Variants in AGBL4 observed in about 807,000 individuals in gnomAD.
AGBL4 encodes cytosolic carboxypeptidase 6.
AGBL4 carries 58 observed loss-of-function variants against 66.4 expected under a neutral mutation model. The ratio of observed to expected loss-of-function variants is 0.87; its 90% CI spans 0.71 to 1.09. The LOEUF (loss-of-function observed/expected upper bound fraction) is 1.09. Ranked by LOEUF, AGBL4 falls within the 50% of genes least tolerant of loss-of-function variation. AGBL4 has a pLI of 0.00. For missense variants in AGBL4, 579 were observed against 631.0 expected (o/e 0.92, Z 0.88); for synonymous variants, 234 against 222.9 (o/e 1.05, Z -0.44).
intron 6 of AGBL4, among the ~76,000 whole-genome samples, chr1:48,771,869 C>A (rs1316675378): frequency 6.6e-6 from 1 of 152,190 alleles, no homozygotes; most frequent in Non-Finnish European, 1.5e-5. Flanking sequence ...CTATTTCCCC[C>A]AAGTGTGGGG....
intron 3 of AGBL4, among the ~76,000 whole-genome samples, chr1:49,671,721 G>A (rs1269262818): frequency 6.6e-6 from 1 of 151,960 alleles, no homozygotes; most frequent in East Asian, 1.9e-4. Flanking sequence ...CAGCCAACAA[G>A]CATATGAAAA....
chr1:49,850,440 A>G (rs953725253), intron 2 of AGBL4, among the ~76,000 whole-genome samples: 5 of 152,112 alleles, frequency 3.3e-5, no homozygotes, highest in Non-Finnish European at 7.4e-5. Context: ...TTTATAATCC[A>G]CTCAGTTTGT....
chr1:49,516,398 A>T (rs2148793723), intron 3 of AGBL4, among the ~76,000 whole-genome samples: 1 of 152,208 alleles, frequency 6.6e-6, no homozygotes, highest in East Asian at 1.9e-4. Context: ...ATGTTAAAGA[A>T]ATACTTGTAG....
intron 1 of AGBL4, among the ~76,000 whole-genome samples, chr1:49,987,881 T>G (rs2148397570): frequency 6.6e-6 from 1 of 151,968 alleles, no homozygotes; most frequent in Admixed American, 6.5e-5. Context: ...AGCCAGAATT[T>G]GAACCTAGAC....
chr1:49,257,050 TA>T (rs1652568552), intron 3 of AGBL4, among the ~76,000 whole-genome samples: 1 of 150,452 alleles, frequency 6.6e-6, no homozygotes. Flanking sequence ...TTTTTTTTTT[TA>T]CAAAAAGCAC....
intron 5 of AGBL4, among the ~76,000 whole-genome samples, chr1:49,034,251 T>C (rs1664460633): frequency 1.3e-5 from 2 of 152,156 alleles, no homozygotes; most frequent in Admixed American, 6.6e-5. Context: ...TCTAAATCTC[T>C]CATAGTACAC....
chr1:49,164,267 C>T (rs1364195936), intron 4 of AGBL4, among the ~76,000 whole-genome samples: 1 of 151,978 alleles, frequency 6.6e-6, no homozygotes, highest in Non-Finnish European at 1.5e-5. Flanking sequence ...CAGAGACACA[C>T]TTATAGGAAA....
intron 4 of AGBL4, among the ~76,000 whole-genome samples, chr1:49,081,423 A>T (rs149226096): frequency 9.1e-4 from 139 of 152,300 alleles, no homozygotes; most frequent in African/African-American, 3.2e-3. Flanking sequence ...ATCTCATAGG[A>T]TTGTTTGAGA....
chr1:49,109,217 G>A (rs143020596), intron 4 of AGBL4, among the ~76,000 whole-genome samples: 1 of 152,250 alleles, frequency 6.6e-6, no homozygotes, highest in Non-Finnish European at 1.5e-5. Context: ...TGGGGAGAAG[G>A]TTTCCCCAGT....
intron 6 of AGBL4, among the ~76,000 whole-genome samples, chr1:48,775,905 T>C (rs1482010184): frequency 6.6e-6 from 1 of 152,156 alleles, no homozygotes; most frequent in Non-Finnish European, 1.5e-5. Context: ...GGGAGCCTTC[T>C]GGGAGATTCA....
At chr1:48,582,618 G>A (rs901689711) in intron 11 of AGBL4, among the ~76,000 whole-genome samples, 2 of 152,202 alleles carry the variant, frequency 1.3e-5, no homozygotes, top group Non-Finnish European at 2.9e-5. Flanking sequence ...GTCAAGACAA[G>A]AACATTTGTT....
chr1:49,941,326 T>C (rs941271985), intron 1 of AGBL4, among the ~76,000 whole-genome samples: 1 of 152,144 alleles, frequency 6.6e-6, no homozygotes, highest in Non-Finnish European at 1.5e-5. Context: ...CAAACTCATT[T>C]TACAAACCTA....
chr1:48,717,381 A>G (rs1347577841), intron 6 of AGBL4, among the ~76,000 whole-genome samples: 1 of 152,254 alleles, frequency 6.6e-6, no homozygotes, highest in African/African-American at 2.4e-5. Context: ...ACATAGTCAC[A>G]GACTCTGTTT....
chr1:49,244,116 G>A (rs1034433826), intron 4 of AGBL4, among the ~76,000 whole-genome samples: 1 of 151,690 alleles, frequency 6.6e-6, no homozygotes, highest in Non-Finnish European at 1.5e-5. Flanking sequence ...ATCTTCAAAA[G>A]CACAAAAAAG....
At chr1:49,678,950 T>C (rs962949482) in intron 3 of AGBL4, among the ~76,000 whole-genome samples, 3 of 152,128 alleles carry the variant, frequency 2.0e-5, no homozygotes, top group Non-Finnish European at 4.4e-5. Flanking sequence ...TAATGTGTGC[T>C]TAATGTCCCA....
intron 4 of AGBL4, among the ~76,000 whole-genome samples, chr1:49,060,863 TC>T (rs1189517608): frequency 6.6e-6 from 1 of 152,132 alleles, no homozygotes; most frequent in Non-Finnish European, 1.5e-5. Flanking sequence ...GAGGAGTAGA[TC>T]ATGAGAGTAG....
chr1:49,361,484 C>T (rs532133827), intron 3 of AGBL4, among the ~76,000 whole-genome samples: 14 of 152,176 alleles, frequency 9.2e-5, no homozygotes, highest in African/African-American at 3.4e-4. Flanking sequence ...ACCATCATGC[C>T]CATCTAATTT....
chr1:48,687,076 G>T (rs1646545234), intron 6 of AGBL4, among the ~76,000 whole-genome samples: 1 of 152,138 alleles, frequency 6.6e-6, no homozygotes, highest in Non-Finnish European at 1.5e-5. Flanking sequence ...TGGGGCAGCG[G>T]GGCAGTCAGG....
rs375641731 is a variant in AGBL4, at chr1:48,883,939, A to T, written c.595-16709T>A. ...AAAAAACAAACAAACAAACAAACAA[A>T]AAACAAAGAGGAAGTCATTATTTAT... On this transcript the variant is annotated intron_variant, in intron 5 of 13. Coordinates refer to ENST00000371839, the MANE Select transcript of AGBL4 (RefSeq NM_032785.4). Among the ~76,000 whole-genome samples, 82 of 152,332 alleles carry T rather than the reference A, an allele frequency of 5.4e-4. 3 individuals are homozygous for T. The East Asian group carries it at 0.014, about 25-fold the overall frequency.
Sources: allele counts gnomAD v4.1 joint callset (sites outside exome capture counted in the v4.1 genomes callset), GRCh38; gene constraint gnomAD v4.1.1; transcripts MANE v1.5; gene names NCBI Gene and HGNC (gene_info 2026-07-23, HGNC 2026-07-21).